PRKCI: variants seen among roughly 807,000 people sequenced by gnomAD.
The protein encoded by PRKCI is protein kinase C iota, also known as protein kinase C iota type.
In PRKCI, 43 loss-of-function variants were observed where a neutral mutation model predicts 84.0. That is an observed-to-expected ratio of 0.51 (90% CI 0.40 to 0.66). PRKCI has a LOEUF of 0.66. Ranked by LOEUF, PRKCI falls within the 30% of genes least tolerant of loss-of-function variation. The probability of loss-of-function intolerance (pLI) is 0.00; values close to 1 mark genes in which losing one functional copy is unlikely to be tolerated. For synonymous variants in PRKCI, 216 were observed against 234.4 expected, an observed-to-expected ratio of 0.92 and a Z score of 0.72; for missense variants, 459 against 745.6, an observed-to-expected ratio of 0.62 and a Z score of 4.48.
chr3:170,267,592 G>GAA (rs1027252724), intron 4 of PRKCI, among the ~76,000 whole-genome samples: 1 of 148,584 alleles, frequency 6.7e-6, no homozygotes, highest in Non-Finnish European at 1.5e-5. Context: ...AGAATCACTT[G>GAA]AACCCGGGAG....
intron 2 of PRKCI, among the ~76,000 whole-genome samples, chr3:170,253,608 G>A (rs951108832): frequency 4.6e-5 from 7 of 152,026 alleles, no homozygotes; most frequent in African/African-American, 1.7e-4. Flanking sequence ...TGGCTAACAT[G>A]GTGAAACCCC....
intron 6 of PRKCI, among the ~76,000 whole-genome samples, chr3:170,270,888 C>T (rs918932056): frequency 1.3e-5 from 2 of 152,050 alleles, no homozygotes; most frequent in African/African-American, 4.8e-5. Flanking sequence ...TTATAGCTCA[C>T]ATTATTCTAG....
At chr3:170,224,524 T>TTTTG (rs1192075061) in intron 1 of PRKCI, among the ~76,000 whole-genome samples, 1 of 152,022 alleles carries the variant, frequency 6.6e-6, no homozygotes. Context: ...TTTATTTTAT[T>TTTTG]TTTGTTTGTT....
chr3:170,244,068 G>A (rs1198405317), intron 2 of PRKCI, among the ~76,000 whole-genome samples: 1 of 152,200 alleles, frequency 6.6e-6, no homozygotes, highest in Admixed American at 6.5e-5. Context: ...CCTTGTTCAA[G>A]TAAAAGGTTA....
intron 9 of PRKCI, 60 bp from the exon 10 acceptor site, chr3:170,281,106 C>T (rs374219910): frequency 7.1e-7 from 1 of 1,417,422 alleles, no homozygotes; most frequent in Non-Finnish European, 9.9e-7. Flanking sequence ...TTGCTCAGAG[C>T]AAATTTATCA....
rs1464976117 is a variant in PRKCI at position 170,280,492 on chromosome 3, G to A, written c.882+89G>A. On this transcript the variant is annotated intron_variant, in intron 9 of 17. Coordinates refer to ENST00000295797, the MANE Select transcript of PRKCI (RefSeq NM_002740.6). Reference sequence around the variant, plus strand: ...AACGGAGTTTCGCTCTTGTCACCCAGCCTGGAGTGCTAGTGGTGCAATCTT... The same window carrying A: ...AACGGAGTTTCGCTCTTGTCACCCAACCTGGAGTGCTAGTGGTGCAATCTT... 15 of 1,241,012 alleles carry A rather than the reference G, an allele frequency of 1.2e-5. No individual in the cohort carries two copies. In the South Asian group the frequency reaches 2.4e-4, roughly 20 times the overall value. 76.9% of individuals were successfully genotyped at this position (1,241,012 alleles called of 1,614,324 possible). A position where few individuals can be genotyped will look rare whatever the true frequency, so the allele number is the denominator to read the frequency against.
At chr3:170,262,860 A>G (rs1733764830) in intron 3 of PRKCI, among the ~76,000 whole-genome samples, 1 of 148,112 alleles carries the variant, frequency 6.8e-6, no homozygotes, top group African/African-American at 2.5e-5. Context: ...TAACATCAAC[A>G]AAGCAAGGCA....
At chr3:170,274,777 A>G (rs1734075979) in intron 7 of PRKCI, among the ~76,000 whole-genome samples, 1 of 151,826 alleles carries the variant, frequency 6.6e-6, no homozygotes, top group Admixed American at 6.6e-5. Context: ...TCTGTTCTTT[A>G]CTTGACCATT....
intron 15 of PRKCI, 35 bp from the exon 16 acceptor site, chr3:170,297,269 T>C (rs1393533883): frequency 1.3e-6 from 2 of 1,503,462 alleles, no homozygotes; most frequent in East Asian, 2.3e-5. Flanking sequence ...AAGCATGACA[T>C]TCACCCAATT....
chr3:170,244,980 T>C (rs1023640989), intron 2 of PRKCI: 1 of 152,050 alleles, frequency 6.6e-6, no homozygotes, highest in East Asian at 1.9e-4. Flanking sequence ...GGAAGGGAGA[T>C]TAACTTGTAC....
intron 15 of PRKCI, 24 bp from the exon 16 acceptor site, chr3:170,297,280 C>T (rs771898213): frequency 6.4e-7 from 1 of 1,568,174 alleles, no homozygotes. Flanking sequence ...TCACCCAATT[C>T]TTGAAACATT....
chr3:170,261,055 C>T (rs1733712354), intron 3 of PRKCI, among the ~76,000 whole-genome samples: 1 of 151,882 alleles, frequency 6.6e-6, no homozygotes, highest in South Asian at 2.1e-4. Flanking sequence ...TTCCCAGGTT[C>T]AAGCGATCCT....
At chr3:170,278,224 A>G (rs924498151) in intron 8 of PRKCI, among the ~76,000 whole-genome samples, 5 of 152,050 alleles carry the variant, frequency 3.3e-5, no homozygotes, top group Admixed American at 6.5e-5. Flanking sequence ...TCTCTCTTAT[A>G]GTTTCCAGTT....
rs572279444 is a variant in PRKCI at position 170,262,785 on chromosome 3, A to G, written c.314-594A>G. On this transcript the variant is annotated intron_variant, in intron 3 of 17. Transcript: ENST00000295797. ...TAAGCCAACGTGCCCAGCCTAATGCATTGTTTATAGACATGTTTGTTTTCA... is the reference window on the plus strand; with the variant it reads ...TAAGCCAACGTGCCCAGCCTAATGCGTTGTTTATAGACATGTTTGTTTTCA... Among the ~76,000 whole-genome samples the G allele has an allele frequency of 1.5e-3, 222 of 149,622 alleles. 2 individuals are homozygous for G. Among genetic ancestry groups the G allele is most frequent in the African/African-American group, 4.7e-3 (191 of 40,770 alleles).
At position 170,268,093 on chromosome 3, in the gene PRKCI, A is replaced by G. The variant is rs111562347; in HGVS notation, c.450+93A>G. ...AGGTAGTTTGTTATTAAGTCTTGTT[A>G]TACACTTTTAAATACATAAGTAGCA... On this transcript the variant is annotated intron_variant, in intron 5 of 17. Transcript: ENST00000295797. The G allele has an allele frequency of 5.6e-4, 579 of 1,031,960 alleles. 4 individuals carry two copies. Among genetic ancestry groups the G allele is most frequent in the African/African-American group, 5.0e-3 (313 of 62,432 alleles). 63.9% of individuals were successfully genotyped at this position (1,031,960 alleles called of 1,614,324 possible). A position where few individuals can be genotyped will look rare whatever the true frequency, so the allele number is the denominator to read the frequency against.
chr3:170,251,938 G>A (rs1360485895), intron 2 of PRKCI, among the ~76,000 whole-genome samples: 7 of 150,330 alleles, frequency 4.7e-5, no homozygotes, highest in African/African-American at 1.2e-4. Context: ...AAGATTGGCC[G>A]GGTGCGGTGG....
chr3:170,293,811 A>C (rs1734628240), intron 14 of PRKCI, among the ~76,000 whole-genome samples: 1 of 151,904 alleles, frequency 6.6e-6, no homozygotes, highest in South Asian at 2.1e-4. Context: ...CTCCCGAGTA[A>C]CTGGGATTAC....
rs2108833868 is a variant in PRKCI, at chr3:170,228,446, T to C, written c.101+5676T>C. Among the ~76,000 whole-genome samples the C allele has an allele frequency of 1.3e-5, 2 of 151,884 alleles. 1 individual carries two copies. Among genetic ancestry groups the C allele is most frequent in the South Asian group, 4.2e-4 (2 of 4,816 alleles). Reference sequence around the variant, plus strand: ...GTGAAACCCTATCTCTACAAAAAAATTAGCCTGTAGTCCTAGCTACTAGGA... The same window carrying C: ...GTGAAACCCTATCTCTACAAAAAAACTAGCCTGTAGTCCTAGCTACTAGGA... On this transcript the variant is annotated intron_variant, in intron 1 of 17. Coordinates refer to ENST00000295797, the MANE Select transcript of PRKCI (RefSeq NM_002740.6).
chr3:170,292,494 C>T (rs1470868685), intron 13 of PRKCI, among the ~76,000 whole-genome samples: 1 of 152,186 alleles, frequency 6.6e-6, no homozygotes, highest in Non-Finnish European at 1.5e-5. Context: ...GGTTTTGGCC[C>T]TCTGCCTTCA....
Sources: gnomAD v4.1 joint callset for allele counts (sites outside exome capture counted in the v4.1 genomes callset) on GRCh38, gnomAD v4.1.1 for gene constraint, MANE v1.5 for transcripts, NCBI Gene and HGNC (gene_info 2026-07-23, HGNC 2026-07-21) for gene names.